WSCD2: variants seen among roughly 807,000 people sequenced by gnomAD.
WSCD2 encodes WSC domain sialate O sulfotransferase 2.
A neutral mutation model predicts 55.7 loss-of-function variants in WSCD2; 28 were observed. That is an observed-to-expected ratio of 0.50 (90% CI 0.37 to 0.69). The LOEUF (loss-of-function observed/expected upper bound fraction) is 0.69. WSCD2 is among the 30% of genes least tolerant of loss of function. WSCD2 has a pLI of 0.00. For missense variants in WSCD2, 616 were observed against 762.1 expected, an observed-to-expected ratio of 0.81 and a Z score of 2.26; for synonymous variants, 301 against 301.9, an observed-to-expected ratio of 1.00 and a Z score of 0.03.
At position 108,174,962 on chromosome 12, in the gene WSCD2, G is replaced by A. The variant is rs114564575; in HGVS notation, c.-551-20320G>A. On this transcript the variant is annotated intron_variant, in intron 1 of 8. Transcript: ENST00000547525. ...AAATGGAAATGTGTCAGTCACTGTG[G>A]TGGGAGCCAGGGACACAGAGGTGAG... Among the ~76,000 whole-genome samples, 800 of 152,326 alleles carry A rather than the reference G, an allele frequency of 5.3e-3. 13 individuals carry two copies. Among genetic ancestry groups the A allele is most frequent in the African/African-American group, 0.017 (720 of 41,562 alleles).
intron 5 of WSCD2, 76 bp downstream of exon 5, chr12:108,224,936 C>T: frequency 6.4e-7 from 1 of 1,557,064 alleles, no homozygotes; most frequent in East Asian, 2.3e-5. Flanking sequence ...ACATGCTTGG[C>T]TGGAGAAGCA....
chr12:108,193,653 A>T (rs886690857), intron 1 of WSCD2, among the ~76,000 whole-genome samples: 9 of 151,898 alleles, frequency 5.9e-5, no homozygotes, highest in Admixed American at 6.6e-5. Context: ...TAACGAATGG[A>T]TGGGTGGGTG....
In WSCD2 at chr12:108,247,304, G is replaced by C. The variant is rs1890159303; in HGVS notation, c.1346-687G>C. ...TATTAATATATTTATTAATATATAA[G>C]TATGTAATCTAAAATACACAATATA... On this transcript the variant is annotated intron_variant, in intron 8 of 8. Coordinates refer to ENST00000547525, the MANE Select transcript of WSCD2 (RefSeq NM_014653.4). Among the ~76,000 whole-genome samples, 3 of 150,268 alleles carry C rather than the reference G, an allele frequency of 2.0e-5. No individual in the cohort carries two copies. In the South Asian group the frequency reaches 6.3e-4, roughly 31 times the overall value.
chr12:108,149,592 T>C (rs1877754617), intron 1 of WSCD2, among the ~76,000 whole-genome samples: 1 of 152,208 alleles, frequency 6.6e-6, no homozygotes, highest in African/African-American at 2.4e-5. Flanking sequence ...GGGGATGCTC[T>C]CTGGAGGCCA....
chr12:108,168,396 T>G (rs1205270290), intron 1 of WSCD2, among the ~76,000 whole-genome samples: 1 of 152,180 alleles, frequency 6.6e-6, no homozygotes, highest in Admixed American at 6.5e-5. Context: ...GTCCCTTTAC[T>G]CTGCCCCCAT....
intron 1 of WSCD2, among the ~76,000 whole-genome samples, chr12:108,142,191 C>A (rs915395126): frequency 6.6e-6 from 1 of 152,192 alleles, no homozygotes. Flanking sequence ...CTAATCCCAG[C>A]TGTGTTTTGA....
At position 108,204,588 on chromosome 12, in the gene WSCD2, C is replaced by T. The variant is rs577036532; in HGVS notation, c.383-1701C>T. On this transcript the variant is annotated intron_variant, in intron 2 of 8. Coordinates refer to ENST00000547525, the MANE Select transcript of WSCD2 (RefSeq NM_014653.4). The stretch of plus-strand genomic sequence containing the variant: ...GACTCCATCTGTGGTGGGAGGGGCG[C>T]GCGCTGTTGAACAAGCACAGAGACA... Among the ~76,000 whole-genome samples, 7 of 152,330 alleles carry T rather than the reference C, an allele frequency of 4.6e-5. No homozygotes were observed. In the South Asian group the frequency reaches 6.2e-4, roughly 14 times the overall value.
At chr12:108,206,232 C>T (rs1282120583) in intron 2 of WSCD2, 57 bp from the exon 3 acceptor site, 1 of 1,446,092 alleles carries the variant, frequency 6.9e-7, no homozygotes, top group Non-Finnish European at 9.7e-7. Context: ...GAGGCTTCCT[C>T]CTGTAACCCT....
At chr12:108,191,311 A>T (rs1395084435) in intron 1 of WSCD2, among the ~76,000 whole-genome samples, 1 of 152,230 alleles carries the variant, frequency 6.6e-6, no homozygotes, top group East Asian at 1.9e-4. Flanking sequence ...TTGAGGCAGA[A>T]TTTCTCTCTG....
intron 1 of WSCD2, among the ~76,000 whole-genome samples, chr12:108,139,834 C>G (rs1055527313): frequency 6.6e-6 from 1 of 152,234 alleles, no homozygotes; most frequent in Non-Finnish European, 1.5e-5. Context: ...AACAGAAACT[C>G]TCTCACACTG....
At chr12:108,190,248 A>AATTTTACCT (rs1882994453) in intron 1 of WSCD2, among the ~76,000 whole-genome samples, 1 of 152,144 alleles carries the variant, frequency 6.6e-6, no homozygotes, top group Admixed American at 6.5e-5. Flanking sequence ...ACAAGACTGA[A>AATTTTACCT]ATTTTACCTG....
At chr12:108,178,055 T>C (rs1250250820) in intron 1 of WSCD2, among the ~76,000 whole-genome samples, 1 of 152,168 alleles carries the variant, frequency 6.6e-6, no homozygotes, top group Non-Finnish European at 1.5e-5. Flanking sequence ...AGGGTTGCTG[T>C]AACAAAACAC....
chr12:108,179,213 G>A (rs993747991), intron 1 of WSCD2, among the ~76,000 whole-genome samples: 8 of 150,764 alleles, frequency 5.3e-5, no homozygotes, highest in Non-Finnish European at 8.9e-5. Flanking sequence ...AGAAATGCAC[G>A]TTTTCAGGCT....
intron 8 of WSCD2, among the ~76,000 whole-genome samples, chr12:108,246,872 G>C (rs1368080676): frequency 2.6e-5 from 4 of 152,126 alleles, no homozygotes; most frequent in Admixed American, 2.0e-4. Context: ...GACGGAGAGA[G>C]GAATTGTGAA....
intron 8 of WSCD2, among the ~76,000 whole-genome samples, chr12:108,242,806 T>G (rs1214659144): frequency 6.6e-6 from 1 of 152,166 alleles, no homozygotes; most frequent in African/African-American, 2.4e-5. Context: ...TTTTCCTTAT[T>G]CAAAACAGCT....
In WSCD2 at chr12:108,224,840, G is replaced by C. The variant is rs758442750; in HGVS notation, c.784G>C (p.Val262Leu). The C allele has an allele frequency of 1.9e-6, 3 of 1,613,542 alleles. No individual in the cohort carries two copies. Among genetic ancestry groups the C allele is most frequent in the Admixed American group, 1.7e-5 (1 of 60,026 alleles). Residue 262 changes from valine (V) to leucine (L), a missense_variant, in exon 5 of 9, where the codon GTG becomes CTG. Val to Leu is a conservative substitution (Grantham distance 32). Around this residue, in one of 3 missense-constraint regions of WSCD2, gnomAD observed 374 missense variants for 467.4 expected, o/e 0.80. Transcript: ENST00000547525. ...GCTGAACATGTCTGTGGACAAATGC[G>C]TGGACTTCTGCACTGAGAAGGTGAG... ...AMLNMSVDKC[V>L]DFCTEKEYPL...
rs557114837 is a variant in WSCD2, at chr12:108,224,801, G to C, written c.745G>C (p.Val249Leu). Reference sequence around the variant, plus strand: ...CGACAACCTTTCCCTGGCCTTACCCGTGACAGCTGCCATGCTGAACATGTC... The same window carrying C: ...CGACAACCTTTCCCTGGCCTTACCCCTGACAGCTGCCATGCTGAACATGTC... Reference protein sequence around the residue: ...RPDNLSLALPVTAAMLNMSVD... With the variant: ...RPDNLSLALPLTAAMLNMSVD... The change falls in exon 5 of 9, where the codon GTG becomes CTG. Residue 249 changes from valine (V) to leucine (L), a missense_variant. This residue lies in a region of WSCD2 where 374 missense variants were observed against 467.4 expected (regional missense o/e 0.80). Transcript: ENST00000547525. The C allele has an allele frequency of 1.2e-6, 2 of 1,613,740 alleles. No individual in the cohort carries two copies. Among genetic ancestry groups the C allele is most frequent in the Non-Finnish European group, 8.5e-7 (1 of 1,180,042 alleles).
chr12:108,201,603 C>T (rs1000860524), intron 2 of WSCD2, among the ~76,000 whole-genome samples: 3 of 151,974 alleles, frequency 2.0e-5, no homozygotes, highest in Non-Finnish European at 2.9e-5. Flanking sequence ...AACTGCACCC[C>T]GAAGAGCTTG....
chr12:108,144,449 A>T (rs927459203), intron 1 of WSCD2, among the ~76,000 whole-genome samples: 2 of 152,138 alleles, frequency 1.3e-5, no homozygotes, highest in African/African-American at 4.8e-5. Flanking sequence ...CCTGCTTCAC[A>T]CTATTGATTT....
Sources: gnomAD v4.1 joint callset for allele counts (sites outside exome capture counted in the v4.1 genomes callset) on GRCh38, gnomAD v4.1.1 for gene constraint, gnomAD v4.1.1 regional missense constraint, MANE v1.5 for transcripts, NCBI Gene and HGNC (gene_info 2026-07-23, HGNC 2026-07-21) for gene names.